Variants in TRIP12 observed in about 807,000 individuals in gnomAD.
TRIP12 encodes the protein thyroid hormone receptor interactor 12.
Under a neutral mutation model 244.2 loss-of-function variants are expected in TRIP12, and 25 were observed. The observed-to-expected ratio is 0.10, with a 90% CI of 0.07 to 0.14. The LOEUF is 0.14. Among genes scored for constraint, TRIP12 ranks in the 10% least tolerant of loss-of-function variants. The pLI is 1.00. For synonymous variants in TRIP12, 905 were observed against 873.1 expected (o/e 1.04, Z -0.64); for missense variants, 1,677 against 2,486.4 (o/e 0.67, Z 6.92).
chr2:229,922,208 C>G, upstream of TRIP12: 1 of 276,148 alleles, frequency 3.6e-6, no homozygotes, highest in Non-Finnish European at 7.0e-6. Context: ...CGATCTCCGC[C>G]CGATCCCTTC....
At chr2:229,798,329 A>C (rs2043329085) in intron 23 of TRIP12, among the ~76,000 whole-genome samples, 1 of 152,226 alleles carries the variant, frequency 6.6e-6, no homozygotes, top group South Asian at 2.1e-4. Context: ...TAAGAAAAAC[A>C]ACCAACAAAA....
intron 34 of TRIP12, among the ~76,000 whole-genome samples, chr2:229,782,646 T>G (rs1448977063): frequency 2.0e-5 from 3 of 152,216 alleles, no homozygotes; most frequent in Admixed American, 6.5e-5. Flanking sequence ...GACTGAATAC[T>G]CTTAGCTTTT....
rs747487845 is a variant in TRIP12, at chr2:229,797,817, C to T, written c.3497G>A (p.Gly1166Asp). The T allele has an allele frequency of 9.3e-6, 15 of 1,613,262 alleles. No individual in the cohort carries two copies. In the South Asian group the frequency reaches 1.5e-4, roughly 17 times the overall value. ...TTTATGTGCCTGCTCCTTAATCCAA[C>T]CTTTAATTTTTTCTCTACAAGAAAC... is the stretch of plus-strand genomic sequence containing the variant. ...TISNNREKIK[G>D]WIKEQAHKFV... Residue 1166 changes from glycine to aspartate, a missense_variant, in exon 24 of 42, where the codon GGT (glycine) becomes GAT (aspartate). Around this residue, in one of 11 missense-constraint regions of TRIP12, gnomAD observed 572 missense variants for 867.8 expected, o/e 0.66. Coordinates refer to ENST00000675903, the MANE Select transcript of TRIP12 (RefSeq NM_001348323.3).
At chr2:229,841,497 G>T (rs1439408147) in intron 4 of TRIP12, among the ~76,000 whole-genome samples, 1 of 152,168 alleles carries the variant, frequency 6.6e-6, no homozygotes, top group Admixed American at 6.5e-5. Context: ...TGTTATTCTG[G>T]AAGCTAACTA....
rs767104639 is a variant in TRIP12 at position 229,792,075 on chromosome 2, G to A, written c.4216-10C>T. 6 of 1,613,852 alleles carry A rather than the reference G, an allele frequency of 3.7e-6. No homozygotes were observed. The African/African-American group carries it at 5.3e-5, about 14-fold the overall frequency. On this transcript the variant is annotated splice_polypyrimidine_tract_variant and intron_variant, in intron 28 of 41. Transcript: ENST00000675903. The stretch of plus-strand genomic sequence containing the variant: ...TTAGGAACTGAGCAGCCTGAATAAA[G>A]CAAAGCAAAAGCCATTTAAGCCAAA...
Position 229,860,468 on chromosome 2 carries a change from A to G in TRIP12, c.162T>C (p.Ser54=). 1 of 1,612,158 alleles carries G rather than the reference A, an allele frequency of 6.2e-7. No homozygotes were observed. Among genetic ancestry groups the G allele is most frequent in the Non-Finnish European group, 8.5e-7 (1 of 1,179,418 alleles). Residue 54 remains serine (S), a synonymous_variant, in exon 3 of 42, where the codon TCT becomes TCC. Transcript: ENST00000675903. ...TATTAGACTGCACTTTGGGTGCCTTAGAATTAGATTTTCTACTCTCAGGAG... is the reference window on the plus strand; with the variant it reads ...TATTAGACTGCACTTTGGGTGCCTTGGAATTAGATTTTCTACTCTCAGGAG... The part of the protein sequence containing the change: ...YSPPESRKSN[S]KAPKVQSNTT...
chr2:229,772,636 G>A (rs1324995803), intron 38 of TRIP12, among the ~76,000 whole-genome samples: 1 of 152,066 alleles, frequency 6.6e-6, no homozygotes, highest in Non-Finnish European at 1.5e-5. Context: ...GCTAATTTTT[G>A]TATTTTTAGT....
chr2:229,777,294 G>T (rs1319998359), intron 37 of TRIP12, 21 bp downstream of exon 37: 2 of 1,607,860 alleles, frequency 1.2e-6, no homozygotes, highest in Admixed American at 1.7e-5. Flanking sequence ...TGATCTACTG[G>T]ACTGTTTCTT....
Position 229,875,895 on chromosome 2 carries a change from C to G in TRIP12, c.98+4087G>C, listed in dbSNP as rs564838370. ...TGTAATTGTTCTCTCCCAATTAATC[C>G]CAATCCTCTCACTCCCAAAACTCCC... On this transcript the variant is annotated intron_variant, in intron 2 of 41. Coordinates refer to ENST00000675903, the MANE Select transcript of TRIP12 (RefSeq NM_001348323.3). Among the ~76,000 whole-genome samples, 18 of 152,186 alleles carry G rather than the reference C, an allele frequency of 1.2e-4. No individual in the cohort carries two copies. The South Asian group carries it at 3.7e-3, about 32-fold the overall frequency.
intron 9 of TRIP12, 29 bp downstream of exon 9, chr2:229,818,326 CAAATGAGGT>C: frequency 6.2e-7 from 1 of 1,606,928 alleles, no homozygotes; most frequent in South Asian, 1.1e-5. Context: ...TTTCAGAGGA[CAAATGAGGT>C]AAAAACGAGG....
chr2:229,782,562 ACT>A (rs1455146701), intron 34 of TRIP12, among the ~76,000 whole-genome samples: 1 of 152,032 alleles, frequency 6.6e-6, no homozygotes, highest in Non-Finnish European at 1.5e-5. Context: ...GAGTGCAGAG[ACT>A]CTGCCATAAC....
chr2:229,809,881 T>C (rs2154277668), intron 15 of TRIP12, among the ~76,000 whole-genome samples: 1 of 152,356 alleles, frequency 6.6e-6, no homozygotes, highest in Non-Finnish European at 1.5e-5. Flanking sequence ...ATGAAAATAC[T>C]ATACTGCTAA....
rs1281687349 is a variant in TRIP12, at chr2:229,836,917, G to T, written c.1201C>A (p.Pro401Thr). Residue 401 changes from proline (P) to threonine (T), a missense_variant, in exon 6 of 42, where the codon CCT becomes ACT. Around this residue, in one of 11 missense-constraint regions of TRIP12, gnomAD observed 143 missense variants for 215.6 expected, o/e 0.66. Coordinates refer to ENST00000675903, the MANE Select transcript of TRIP12 (RefSeq NM_001348323.3). ...EARRQEKMAD[P>T]ESNQEAVNSS... ...TTTACTGCCTCCTGGTTGCTTTCAG[G>T]GTCTGCCATTTTCTCCTGTCGACGA... 5 of 1,602,942 alleles carry T rather than the reference G, an allele frequency of 3.1e-6. No individual in the cohort carries two copies. The highest frequency in any genetic ancestry group is 1.4e-5 in the African/African-American group (1 of 74,026).
chr2:229,786,691 A>G (rs2040168070), intron 33 of TRIP12, among the ~76,000 whole-genome samples: 1 of 148,790 alleles, frequency 6.7e-6, no homozygotes, highest in African/African-American at 2.5e-5. Flanking sequence ...TGCTGGGATT[A>G]CAGGCAGGAG....
At position 229,823,906 on chromosome 2, in the gene TRIP12, TA is replaced by T. The variant is rs969222985; in HGVS notation, c.1450+5286del. Among the ~76,000 whole-genome samples, 1,083 of 148,182 alleles carry T rather than the reference TA, an allele frequency of 7.3e-3. 10 individuals carry two copies. Among genetic ancestry groups the T allele is most frequent in the African/African-American group, 0.023 (919 of 40,476 alleles). ...CATTATTAATAGTCTGACACTATGT[TA>T]AAAAAAAAAGTTCTTTAGGCTAGAA... On this transcript the variant is annotated intron_variant, in intron 8 of 41. Coordinates refer to ENST00000675903, the MANE Select transcript of TRIP12 (RefSeq NM_001348323.3).
rs1351822087 is a variant in TRIP12, at chr2:229,765,226, A to T, written c.*2328T>A. ...TCAGCAAAAAATAAAGGACAACAAA[A>T]TCTCAGTTGTTACCCAACTAAGTGT... On this transcript the variant is annotated 3_prime_UTR_variant, in exon 42 of 42. Transcript: ENST00000675903. The T allele has an allele frequency of 6.6e-6, 1 of 152,204 alleles. No homozygotes were observed. 9.4% of individuals were successfully genotyped at this position (152,204 alleles called of 1,614,324 possible). A position where few individuals can be genotyped will look rare whatever the true frequency, so the allele number is the denominator to read the frequency against.
chr2:229,922,714 A>C, upstream of TRIP12: 1 of 1,184,506 alleles, frequency 8.4e-7, no homozygotes, highest in Non-Finnish European at 1.2e-6. Flanking sequence ...AGCCCGCCGG[A>C]AGCGCCCAGT....
chr2:229,840,812 A>C lies in TRIP12; in HGVS notation c.1133+10T>G, dbSNP rs766607132. 1.2e-5 allele frequency: 18 copies of C among 1,554,888 alleles called. No individual in the cohort carries two copies. The highest frequency in any genetic ancestry group is 1.4e-5 in the African/African-American group (1 of 71,578). The stretch of plus-strand genomic sequence containing the variant: ...AATGAACTCACTATAAAAAAAAAAA[A>C]ACAAATTACCTGGTACTAGCACAGG... On this transcript the variant is annotated intron_variant, in intron 5 of 41. Transcript: ENST00000675903.
rs533735625 is a variant in TRIP12, at chr2:229,845,872, A to C, written c.1028-4945T>G. On this transcript the variant is annotated intron_variant, in intron 4 of 41. Transcript: ENST00000675903. ...TTCTACAAAAAATTACGAAGAAAAA[A>C]AAAAATTAGCTGGGTGCGGTGACAC... Among the ~76,000 whole-genome samples, 4 of 152,158 alleles carry C rather than the reference A, an allele frequency of 2.6e-5. No homozygotes were observed. In the East Asian group the frequency reaches 7.7e-4, roughly 29 times the overall value.
Sources: gnomAD v4.1 joint callset for allele counts (sites outside exome capture counted in the v4.1 genomes callset) on GRCh38, gnomAD v4.1.1 for gene constraint, gnomAD v4.1.1 regional missense constraint, MANE v1.5 for transcripts, NCBI Gene and HGNC (gene_info 2026-07-23, HGNC 2026-07-21) for gene names.